Variants in ACBD6 observed in about 807,000 individuals in gnomAD.
ACBD6 encodes the protein acyl-CoA-binding domain-containing protein 6.
A neutral mutation model predicts 37.2 loss-of-function variants in ACBD6; 28 were observed. The observed-to-expected ratio is 0.75, with a 90% CI of 0.56 to 1.03. The LOEUF (loss-of-function observed/expected upper bound fraction) is 1.03. Ranked by LOEUF, ACBD6 falls within the 50% of genes least tolerant of loss-of-function variation. ACBD6 has a pLI of 0.00. For synonymous variants in ACBD6, 113 were observed against 126.8 expected, an observed-to-expected ratio of 0.89 and a Z score of 0.73; for missense variants, 340 against 337.4, an observed-to-expected ratio of 1.01 and a Z score of -0.06.
At chr1:180,302,065 T>A (rs1030403250) in intron 7 of ACBD6, among the ~76,000 whole-genome samples, 4 of 151,912 alleles carry the variant, frequency 2.6e-5, no homozygotes, top group African/African-American at 9.7e-5. Context: ...AGGGATAGCA[T>A]TAGGAGATAA....
chr1:180,271,974 G>A, intron 13 of ACBD6: 1 of 1,613,162 alleles, frequency 6.2e-7, no homozygotes, highest in Non-Finnish European at 8.5e-7. Flanking sequence ...GCAGAGGACT[G>A]TGGGGTTAGT....
chr1:180,328,342 T>C (rs970039638), intron 6 of ACBD6, among the ~76,000 whole-genome samples: 3 of 151,848 alleles, frequency 2.0e-5, no homozygotes, highest in Admixed American at 2.0e-4. Flanking sequence ...AAGCTGTTCT[T>C]ACAGCTTGTA....
rs184206683 is a variant in ACBD6 at position 180,454,240 on chromosome 1, T to C, written c.385-23978A>G. Among the ~76,000 whole-genome samples, 75 of 152,294 alleles carry C rather than the reference T, an allele frequency of 4.9e-4. 1 individual carries two copies. In the East Asian group the frequency reaches 0.011, roughly 23 times the overall value. On this transcript the variant is annotated intron_variant, in intron 3 of 7. Transcript: ENST00000367595. ...ACACCACGTATCTACAACCATCTGA[T>C]CTTTGACAAACCTGACAAAAACAAG...
chr1:180,411,467 TACC>T (rs1342877613), intron 5 of ACBD6, among the ~76,000 whole-genome samples: 2 of 152,218 alleles, frequency 1.3e-5, no homozygotes, highest in Non-Finnish European at 2.9e-5. Flanking sequence ...CTTCAGTGAC[TACC>T]ACTGTGATCG....
chr1:180,421,624 A>G (rs763686794), intron 4 of ACBD6, among the ~76,000 whole-genome samples: 8 of 152,188 alleles, frequency 5.3e-5, no homozygotes, highest in Non-Finnish European at 1.2e-4. Context: ...CCAACAATGT[A>G]TAAAGTGTTC....
intron 3 of ACBD6, among the ~76,000 whole-genome samples, chr1:180,456,590 T>G (rs1239623467): frequency 6.6e-6 from 1 of 152,186 alleles, no homozygotes; most frequent in Non-Finnish European, 1.5e-5. Context: ...AACATTTCTT[T>G]GATGAGAGAC....
At chr1:180,329,331 C>G (rs1166706484) in intron 6 of ACBD6, among the ~76,000 whole-genome samples, 2 of 152,152 alleles carry the variant, frequency 1.3e-5, no homozygotes, top group African/African-American at 4.8e-5. Context: ...TGATTTTTGT[C>G]TTTTCCTTTT....
At chr1:180,392,642 A>G (rs963064962) in intron 6 of ACBD6, among the ~76,000 whole-genome samples, 2 of 152,154 alleles carry the variant, frequency 1.3e-5, no homozygotes, top group Admixed American at 1.3e-4. Flanking sequence ...ATGCACATAA[A>G]ATTCTTGACA....
intron 7 of ACBD6, among the ~76,000 whole-genome samples, chr1:180,296,039 A>T (rs950626893): frequency 5.9e-5 from 9 of 152,236 alleles, no homozygotes. Context: ...TGTGAATGCC[A>T]AATAAAAGTT....
At chr1:180,437,454 TC>T (rs1649090784) in intron 3 of ACBD6, among the ~76,000 whole-genome samples, 1 of 152,188 alleles carries the variant, frequency 6.6e-6, no homozygotes, top group Non-Finnish European at 1.5e-5. Flanking sequence ...TGGGGAGAAA[TC>T]CCCACGTATT....
At chr1:180,495,862 AAAGT>A (rs1490410799) in intron 1 of ACBD6, among the ~76,000 whole-genome samples, 1 of 152,200 alleles carries the variant, frequency 6.6e-6, no homozygotes, top group African/African-American at 2.4e-5. Flanking sequence ...TACCATGTAT[AAAGT>A]AAAAGAATTT....
intron 9 of ACBD6, chr1:180,277,491 T>C (rs1002980346): frequency 6.6e-5 from 10 of 152,246 alleles, no homozygotes; most frequent in Admixed American, 2.0e-4. Flanking sequence ...AGGAGCAAAT[T>C]AGTTAAAACC....
At chr1:180,493,981 T>C (rs1651627129) in intron 2 of ACBD6, among the ~76,000 whole-genome samples, 1 of 152,202 alleles carries the variant, frequency 6.6e-6, no homozygotes. Context: ...ACATGCCCTT[T>C]TCAATGCATC....
At chr1:180,276,417 G>C (rs557214263) in intron 9 of ACBD6, 1 of 152,134 alleles carries the variant, frequency 6.6e-6, no homozygotes, top group Non-Finnish European at 1.5e-5. Flanking sequence ...ATTTTATAGC[G>C]TACCCTCGTT....
chr1:180,426,446 T>C (rs1406671910), intron 4 of ACBD6, among the ~76,000 whole-genome samples: 1 of 152,210 alleles, frequency 6.6e-6, no homozygotes, highest in Non-Finnish European at 1.5e-5. Context: ...CAAACCCCTA[T>C]GCTTATTGAC....
At chr1:180,339,913 A>G (rs968835278) in intron 6 of ACBD6, among the ~76,000 whole-genome samples, 1 of 152,060 alleles carries the variant, frequency 6.6e-6, no homozygotes, top group Middle Eastern at 3.2e-3. Flanking sequence ...ACTTAAAATA[A>G]GGAAGGCAGA....
At chr1:180,476,477 T>C (rs1023281542) in intron 3 of ACBD6, among the ~76,000 whole-genome samples, 1 of 152,208 alleles carries the variant, frequency 6.6e-6, no homozygotes, top group Non-Finnish European at 1.5e-5. Flanking sequence ...ATGCTTCTTT[T>C]CCTCAACTGA....
intron 5 of ACBD6, among the ~76,000 whole-genome samples, chr1:180,402,381 G>A (rs557592724): frequency 1.2e-4 from 18 of 152,260 alleles, no homozygotes; most frequent in Non-Finnish European, 2.1e-4. Context: ...GCATTATAAA[G>A]AAAATCACAC....
intron 9 of ACBD6, among the ~76,000 whole-genome samples, chr1:180,279,719 G>A (rs938869132): frequency 6.6e-6 from 1 of 152,030 alleles, no homozygotes; most frequent in Non-Finnish European, 1.5e-5. Flanking sequence ...AGGGCTCCTG[G>A]ACAAACATTT....
Sources: allele counts gnomAD v4.1 joint callset (sites outside exome capture counted in the v4.1 genomes callset), GRCh38; gene constraint gnomAD v4.1.1; transcripts MANE v1.5; gene names NCBI Gene and HGNC (gene_info 2026-07-23, HGNC 2026-07-21).